The following ADH1B variants were observed in gnomAD, a reference collection of about 807,000 sequenced individuals.
The protein encoded by ADH1B is alcohol dehydrogenase 1B (class I), beta polypeptide, also known as all-trans-retinol dehydrogenase [NAD(+)] ADH1B.
Under a neutral mutation model 34.6 loss-of-function variants are expected in ADH1B, and 29 were observed. The observed-to-expected ratio is 0.84, with a 90% CI of 0.62 to 1.14. The LOEUF (loss-of-function observed/expected upper bound fraction) is 1.14. Ranked by LOEUF, ADH1B falls within the 50% of genes most tolerant of loss-of-function variation. The pLI is 0.00. For synonymous variants in ADH1B, 170 were observed against 175.5 expected (o/e 0.97, Z 0.25); for missense variants, 424 against 468.4 (o/e 0.91, Z 0.87).
intron 1 of ADH1B, chr4:99,320,997 A>T: frequency 1.1e-6 from 1 of 925,644 alleles, no homozygotes; most frequent in Non-Finnish European, 1.4e-6. Context: ...GCCATTAAAG[A>T]CTTTTCTAAC....
intron 8 of ADH1B, 107 bp downstream of exon 8, chr4:99,310,658 A>G: frequency 6.9e-7 from 1 of 1,446,082 alleles, no homozygotes; most frequent in Non-Finnish European, 9.2e-7. Flanking sequence ...GGTAATGGAA[A>G]ACCAAGGGAC....
chr4:99,318,081 T>G lies in ADH1B; in HGVS notation c.224A>C (p.Glu75Ala). The change falls in exon 3 of 9, where the codon GAG (glutamate) becomes GCG (alanine). Residue 75 changes from glutamate (E) to alanine (A), a missense_variant. Around this residue, in one of 3 missense-constraint regions of ADH1B, gnomAD observed 291 missense variants for 300.4 expected, o/e 0.97. Transcript: ENST00000305046. Reference protein sequence around the residue: ...ILGHEAAGIVESVGEGVTTVK... With the variant: ...ILGHEAAGIVASVGEGVTTVK... ...TGTAGTCACCCCTTCTCCAACACTC[T>G]CCACGATGCCGGCTGCCTCATGGCC... 1 of 1,614,054 alleles carries G rather than the reference T, an allele frequency of 6.2e-7. No individual in the cohort carries two copies. The highest frequency in any genetic ancestry group is 8.5e-7 in the Non-Finnish European group (1 of 1,179,974).
At chr4:99,319,069 A>G (rs1733958332) in intron 1 of ADH1B, 183 bp from the exon 2 acceptor site, 1 of 769,640 alleles carries the variant, frequency 1.3e-6, no homozygotes, top group South Asian at 1.4e-5. Flanking sequence ...GCAATAACAT[A>G]AGGAAAGATA....
intron 5 of ADH1B, 43 bp downstream of exon 5, chr4:99,315,855 C>G (rs1189998622): frequency 1.9e-6 from 3 of 1,608,566 alleles, no homozygotes; most frequent in Admixed American, 3.3e-5. Context: ...TGGTTTCCGA[C>G]AGTCTGCATG....
chr4:99,321,266 T>A, intron 1 of ADH1B, 48 bp downstream of exon 1: 1 of 1,491,288 alleles, frequency 6.7e-7, no homozygotes, highest in Non-Finnish European at 9.3e-7. Context: ...CCTTTCTTTG[T>A]TATATTGATG....
rs888771468 is a variant in ADH1B, at chr4:99,305,264, G to C, written c.*2576C>G. On this transcript the variant is annotated 3_prime_UTR_variant, in exon 9 of 9. Transcript: ENST00000305046. ...AATTTGAAATTTTTCTCCATGCTCA[G>C]AATTTCATTTTAAATATGTTCGTGA... 4.0e-5 allele frequency: 6 copies of C among 150,104 alleles called. No individual in the cohort carries two copies. The highest frequency in any genetic ancestry group is 4.2e-4 in the South Asian group (2 of 4,740). The allele number at this position is 150,104 out of a possible 1,614,324, so 9.3% of individuals were successfully genotyped here. A position where few individuals can be genotyped will look rare whatever the true frequency, so the allele number is the denominator to read the frequency against.
intron 8 of ADH1B, chr4:99,310,273 AAG>A (rs1733717331): frequency 2.7e-6 from 1 of 364,398 alleles, no homozygotes; most frequent in African/African-American, 2.2e-5. Flanking sequence ...GAAAAAGAAA[AAG>A]AGAAAAACTA....
rs201729147 is a variant in ADH1B at position 99,310,751 on chromosome 4, A to G, written c.1103+14T>C. 1.2e-6 allele frequency: 2 copies of G among 1,600,592 alleles called. No homozygotes were observed. The highest frequency in any genetic ancestry group is 1.7e-4 in the Middle Eastern group (1 of 5,988). ...AGAAAAAAAAGCAAAACAGAAAACT[A>G]ACTTAAAATCTACCTTTTCCCAGAG... On this transcript the variant is annotated intron_variant, in intron 8 of 8. Transcript: ENST00000305046.
intron 5 of ADH1B, chr4:99,314,709 A>G (rs1733834832): frequency 6.5e-6 from 1 of 152,688 alleles, no homozygotes; most frequent in South Asian, 2.1e-4. Flanking sequence ...TCTATATTTC[A>G]ATAACAAATA....
At chr4:99,312,812 C>T (rs945099818) in intron 6 of ADH1B, among the ~76,000 whole-genome samples, 5 of 151,796 alleles carry the variant, frequency 3.3e-5, no homozygotes, top group African/African-American at 1.2e-4. Flanking sequence ...ATAATTATGC[C>T]ACTTCACTTC....
In ADH1B at chr4:99,305,577, A is replaced by ATG. The variant is rs1560524545; in HGVS notation, c.*2262_*2263insCA. 7.7e-5 allele frequency: 6 copies of ATG among 77,530 alleles called. No individual in the cohort carries two copies. Among genetic ancestry groups the ATG allele is most frequent in the African/African-American group, 2.8e-4 (6 of 21,256 alleles). 4.8% of individuals were successfully genotyped at this position (77,530 alleles called of 1,614,324 possible). On this transcript the variant is annotated 3_prime_UTR_variant, in exon 9 of 9. Transcript: ENST00000305046. ...CCCCATAGTGTATATATATATATAT[A>ATG]TATATATATATATATATATATATAT...
rs1257961845 is a variant in ADH1B, at chr4:99,306,626, A to C, written c.*1214T>G. ...TTACCAGGAATAATCTTTGCATGTCACATTTAGAGATAAAGCTCAAAATGC... is the reference window on the plus strand; with the variant it reads ...TTACCAGGAATAATCTTTGCATGTCCCATTTAGAGATAAAGCTCAAAATGC... On this transcript the variant is annotated 3_prime_UTR_variant, in exon 9 of 9. Transcript: ENST00000305046. The C allele has an allele frequency of 6.6e-6, 1 of 152,118 alleles. No homozygotes were observed. The highest frequency in any genetic ancestry group is 6.6e-5 in the Admixed American group (1 of 15,236). The allele number at this position is 152,118 out of a possible 1,614,324, so 9.4% of individuals were successfully genotyped here.
chr4:99,310,884 A>G lies in ADH1B; in HGVS notation c.984T>C (p.Gly328=), dbSNP rs1203586258. Residue 328 remains glycine, a synonymous_variant, in exon 8 of 9, where the codon GGT becomes GGC. Transcript: ENST00000305046. The part of the protein sequence containing the change: ...AVYGGFKSKE[G]IPKLVADFMA... ...TAAAATCAGCCACAAGTTTTGGGAT[A>G]CCTTCTTTACTCTTAAAGCCTGAAA... is the stretch of plus-strand genomic sequence containing the variant. 1.2e-6 allele frequency: 2 copies of G among 1,613,360 alleles called. No homozygotes were observed. The highest frequency in any genetic ancestry group is 1.7e-6 in the Non-Finnish European group (2 of 1,179,684).
At chr4:99,318,747 T>A in intron 2 of ADH1B, 38 bp downstream of exon 2, 1 of 1,573,144 alleles carries the variant, frequency 6.4e-7, no homozygotes, top group Non-Finnish European at 8.7e-7. Context: ...CTGAGTTTTT[T>A]AAATGTAAAA....
At chr4:99,320,696 G>T in intron 1 of ADH1B, 1 of 594,342 alleles carries the variant, frequency 1.7e-6, no homozygotes, top group Non-Finnish European at 2.2e-6. Flanking sequence ...TTTAAATGGG[G>T]AAGATACTGT....
intron 1 of ADH1B, 196 bp from the exon 2 acceptor site, chr4:99,319,082 CAAAGTATAATAAGACATTGAGAAA>C (rs1560530259): frequency 1.4e-6 from 1 of 737,702 alleles, no homozygotes; most frequent in Non-Finnish European, 2.4e-6. Flanking sequence ...GAAAGATAAA[CAAAGTATAATAAGACATTGAGAAA>C]AATGGAATAT....
rs767886585 is a variant in ADH1B at position 99,316,287 on chromosome 4, G to A, written c.275C>T (p.Pro92Leu). Residue 92 changes from proline to leucine, a missense_variant, in exon 4 of 9, where the codon CCG becomes CTG. Pro to Leu is a moderately conservative substitution (Grantham distance 98, BLOSUM62 -3). Transcript: ENST00000305046. ...TTVKPGDKVIPLFTPQCGKCR... is the reference protein window; with the variant it reads ...TTVKPGDKVILLFTPQCGKCR... ...TTTTCCACACTGAGGAGTAAAGAGCGGGATGACTTTATCACCTGGAGAGGA... is the reference window on the plus strand; with the variant it reads ...TTTTCCACACTGAGGAGTAAAGAGCAGGATGACTTTATCACCTGGAGAGGA... 13 of 1,614,028 alleles carry A rather than the reference G, an allele frequency of 8.1e-6. No individual in the cohort carries two copies. The highest frequency in any genetic ancestry group is 4.5e-5 in the East Asian group (2 of 44,874).
intron 5 of ADH1B, chr4:99,314,737 T>C (rs898248493): frequency 3.3e-5 from 5 of 152,358 alleles, no homozygotes; most frequent in Non-Finnish European, 5.9e-5. Flanking sequence ...TTGTTATGAG[T>C]ATCCTCATCT....
chr4:99,315,231 A>G (rs1368466978), intron 5 of ADH1B: 1 of 152,790 alleles, frequency 6.5e-6, no homozygotes, highest in Non-Finnish European at 1.5e-5. Flanking sequence ...TTCATAAAAT[A>G]AAGCATACTA....
Sources: gnomAD v4.1 joint callset for allele counts (sites outside exome capture counted in the v4.1 genomes callset) on GRCh38, gnomAD v4.1.1 for gene constraint, gnomAD v4.1.1 regional missense constraint, MANE v1.5 for transcripts, NCBI Gene and HGNC (gene_info 2026-07-23, HGNC 2026-07-21) for gene names.